The following GRIP2 variants were observed in gnomAD, a reference collection of about 807,000 sequenced individuals.
GRIP2 encodes glutamate receptor-interacting protein 2.
A neutral mutation model predicts 108.3 loss-of-function variants in GRIP2; 58 were observed. The observed-to-expected ratio is 0.54, with a 90% CI of 0.43 to 0.67. The LOEUF is 0.67. Ranked by LOEUF, GRIP2 falls within the 30% of genes least tolerant of loss-of-function variation. The pLI is 0.00. For synonymous variants in GRIP2, 586 were observed against 598.2 expected (o/e 0.98, Z 0.30); for missense variants, 1,278 against 1,430.6 (o/e 0.89, Z 1.72).
Position 14,514,437 on chromosome 3 carries a change from CA to C in GRIP2, c.1347del (p.Ile449MetfsTer110). Reference protein sequence around the residue: ...ASSTVGPGGQIVHTETTEVVL... With the variant: ...ASSTVGPGGQXVHTETTEVVL... ...ACGACCTCCGTGGTCTCCGTGTGCA[CA>C]ATCTGCCCGCCCGGCCCCACCGTGC... On this transcript the variant is annotated frameshift_variant, in exon 12 of 24. Transcript: ENST00000621039. LOFTEE classifies it high-confidence loss of function. 1 of 1,578,224 alleles carries C rather than the reference CA, an allele frequency of 6.3e-7. No homozygotes were observed. Among genetic ancestry groups the C allele is most frequent in the Non-Finnish European group, 8.6e-7 (1 of 1,163,642 alleles).
chr3:14,597,015 T>C, the GRIP2 span, among the ~76,000 whole-genome samples: 1 of 152,110 alleles, frequency 6.6e-6, no homozygotes, highest in Non-Finnish European at 1.5e-5. Flanking sequence ...AGTGCTAGGA[T>C]TATAGGAGCA....
At chr3:14,589,915 C>T in the GRIP2 span, among the ~76,000 whole-genome samples, 156 of 152,050 alleles carry the variant, frequency 1.0e-3, no homozygotes, top group African/African-American at 3.5e-3. Flanking sequence ...ATCTCAGCCT[C>T]CCAAGTAGCT....
chr3:14,571,027 C>T, the GRIP2 span, among the ~76,000 whole-genome samples: 2 of 152,146 alleles, frequency 1.3e-5, no homozygotes, highest in Non-Finnish European at 2.9e-5. Flanking sequence ...CTGTCCCCTA[C>T]CACTGGATAC....
the GRIP2 span, among the ~76,000 whole-genome samples, chr3:14,566,566 A>G: frequency 2.6e-5 from 4 of 152,242 alleles, no homozygotes; most frequent in Non-Finnish European, 5.9e-5. Flanking sequence ...ACAGGTTATC[A>G]GAGTCAGGGT....
rs1695231067 is a variant in GRIP2 at position 14,555,909 on chromosome 3, GC to G, written c.45del (p.Arg16ValfsTer41). 2.5e-6 allele frequency: 1 copy of G among 399,692 alleles called. No individual in the cohort carries two copies. The highest frequency in any genetic ancestry group is 2.1e-5 in the African/African-American group (1 of 48,592). The allele number at this position is 399,692 out of a possible 1,614,324, so 24.8% of individuals were successfully genotyped here. On this transcript the variant is annotated frameshift_variant, in exon 1 of 24. Coordinates refer to the GRIP2 transcript ENST00000637182. LOFTEE classifies it high-confidence loss of function. ...CCAGACTCACCGGCACCTTTGAGAC[GC>G]CGCCTCACCACGCCCAGCCGCCACT...
intron 1 of GRIP2, among the ~76,000 whole-genome samples, chr3:14,529,627 GTTTTTATAT>G (rs138718341): frequency 0.049 from 7,410 of 152,098 alleles, 238 homozygotes; most frequent in East Asian, 0.15. Flanking sequence ...TCTTTGTTCT[GTTTTTATAT>G]TTTGCTCTTC....
intron 2 of GRIP2, 89 bp from the exon 3 acceptor site, chr3:14,525,661 T>C: frequency 6.6e-7 from 1 of 1,513,690 alleles, no homozygotes; most frequent in Non-Finnish European, 9.1e-7. Context: ...AGCACCTGGT[T>C]GGTAGGGCAC....
intron 11 of GRIP2, 79 bp downstream of exon 11, chr3:14,516,985 C>T: frequency 7.5e-7 from 1 of 1,338,316 alleles, no homozygotes; most frequent in Non-Finnish European, 9.7e-7. Flanking sequence ...CCTCCCCTCG[C>T]CCTGACATAC....
At chr3:14,526,379 GA>G (rs1403829357) in intron 1 of GRIP2, among the ~76,000 whole-genome samples, 5 of 152,178 alleles carry the variant, frequency 3.3e-5, no homozygotes, top group Non-Finnish European at 7.3e-5. Flanking sequence ...TACCTGCTGG[GA>G]GGGGGAGCTC....
chr3:14,532,540 C>G (rs1035257264), intron 1 of GRIP2, among the ~76,000 whole-genome samples: 4 of 152,260 alleles, frequency 2.6e-5, no homozygotes, highest in Non-Finnish European at 4.4e-5. Flanking sequence ...CTGTGGCCAA[C>G]AAAAATGACT....
chr3:14,497,629 C>T (rs912758325), intron 21 of GRIP2, among the ~76,000 whole-genome samples: 1 of 152,212 alleles, frequency 6.6e-6, no homozygotes, highest in African/African-American at 2.4e-5. Context: ...CCCTGAAGGA[C>T]TGAAGCCAGG....
At chr3:14,596,627 G>C in the GRIP2 span, among the ~76,000 whole-genome samples, 1 of 152,222 alleles carries the variant, frequency 6.6e-6, no homozygotes, top group South Asian at 2.1e-4. Context: ...ACTAGAGGGA[G>C]AGAAAGGTGA....
intron 1 of GRIP2, among the ~76,000 whole-genome samples, chr3:14,552,873 G>A (rs888552042): frequency 4.6e-4 from 70 of 151,804 alleles, no homozygotes; most frequent in Middle Eastern, 3.4e-3. Context: ...GATTATAGGC[G>A]TGAGCTAGCT....
chr3:14,575,514 G>A, the GRIP2 span, among the ~76,000 whole-genome samples: 3 of 152,198 alleles, frequency 2.0e-5, no homozygotes, highest in Admixed American at 1.3e-4. Context: ...CATAGCAGCC[G>A]GTCCACAGGC....
At chr3:14,571,348 C>T in the GRIP2 span, among the ~76,000 whole-genome samples, 32 of 152,174 alleles carry the variant, frequency 2.1e-4, no homozygotes, top group African/African-American at 7.7e-4. Flanking sequence ...CAGATCTCCC[C>T]TCCCTCCAGG....
intron 21 of GRIP2, among the ~76,000 whole-genome samples, chr3:14,502,311 AG>A (rs1220795066): frequency 1.3e-5 from 2 of 152,122 alleles, no homozygotes; most frequent in African/African-American, 2.4e-5. Flanking sequence ...TGGCCAACAC[AG>A]TGAAAACCCA....
At chr3:14,547,083 G>A (rs774323843) in intron 1 of GRIP2, among the ~76,000 whole-genome samples, 7 of 152,140 alleles carry the variant, frequency 4.6e-5, no homozygotes, top group African/African-American at 1.4e-4. Flanking sequence ...ACTGCACACC[G>A]TGTTGTGTGA....
chr3:14,505,625 G>A lies in GRIP2; in HGVS notation c.2563C>T (p.Pro855Ser). The stretch of plus-strand genomic sequence containing the variant: ...GCTCCCACCACAGACCTCGTTGGCG[G>A]CTCCCAATCATCCTCCTCCTCCTCC... ...PEEEEEDDWE[P>S]PTSPAPGPAR... Residue 855 changes from proline (P) to serine (S), a missense_variant, in exon 20 of 24, where the codon CCG (proline) becomes TCG (serine). By Grantham distance (74) the Pro-to-Ser change is moderately conservative (BLOSUM62 -1). Coordinates refer to ENST00000621039, the MANE Select transcript of GRIP2 (RefSeq NM_001080423.4). The surrounding 1 kb of genome is among the most constrained non-coding windows in gnomAD (Gnocchi z 4.2). 1 of 1,609,986 alleles carries A rather than the reference G, an allele frequency of 6.2e-7. No individual in the cohort carries two copies.
At chr3:14,592,164 C>G in the GRIP2 span, among the ~76,000 whole-genome samples, 1 of 152,266 alleles carries the variant, frequency 6.6e-6, no homozygotes, top group Non-Finnish European at 1.5e-5. Context: ...ACACTCGGGC[C>G]TGTCCTAGCT....
Sources: gnomAD v4.1 joint callset for allele counts (sites outside exome capture counted in the v4.1 genomes callset) on GRCh38, gnomAD v4.1.1 for gene constraint, Gnocchi (gnomAD v3.1) non-coding constraint, MANE v1.5 for transcripts, NCBI Gene and HGNC (gene_info 2026-07-23, HGNC 2026-07-21) for gene names.